The following PTPRJ variants were observed in gnomAD, a reference collection of about 807,000 sequenced individuals.
The protein encoded by PTPRJ is receptor-type tyrosine-protein phosphatase eta.
Under a neutral mutation model 141.3 loss-of-function variants are expected in PTPRJ, and 129 were observed. The observed-to-expected ratio is 0.91, with a 90% CI of 0.79 to 1.06. The LOEUF (loss-of-function observed/expected upper bound fraction) is 1.06, where lower values mean the gene tolerates loss of function less well. PTPRJ is among the 50% of genes least tolerant of loss of function. The pLI is 0.00. For synonymous variants in PTPRJ, 610 were observed against 640.5 expected (o/e 0.95, Z 0.72); for missense variants, 1,601 against 1,679.7 (o/e 0.95, Z 0.82).
At chr11:48,071,509 G>A (rs1025357576) in intron 1 of PTPRJ, among the ~76,000 whole-genome samples, 1 of 151,282 alleles carries the variant, frequency 6.6e-6, no homozygotes, top group Non-Finnish European at 1.5e-5. Flanking sequence ...GTAGAGACGG[G>A]GTTTCACCGT....
chr11:48,047,762 A>G (rs568774001), intron 1 of PTPRJ, among the ~76,000 whole-genome samples: 5 of 152,286 alleles, frequency 3.3e-5, no homozygotes, highest in Non-Finnish European at 5.9e-5. Context: ...TTTAGAAAAC[A>G]TAAGTCTGGA....
At chr11:48,115,433 A>G (rs1321496253) in intron 3 of PTPRJ, among the ~76,000 whole-genome samples, 1 of 152,208 alleles carries the variant, frequency 6.6e-6, no homozygotes, top group Non-Finnish European at 1.5e-5. Context: ...CTGCCAACCA[A>G]GATTGCTATA....
In PTPRJ at chr11:48,099,617, C is replaced by T. The variant is rs556791378; in HGVS notation, c.97-10441C>T. 2.0e-4 allele frequency among the ~76,000 whole-genome samples: 31 copies of T among 152,250 alleles called. No homozygotes were observed. In the South Asian group the frequency reaches 5.4e-3, roughly 26 times the overall value. On this transcript the variant is annotated intron_variant, in intron 1 of 24. Transcript: ENST00000418331. ...TTCTGATTGTGGGTAGGCTCTGGTG[C>T]ACCAGCTCTCCAGTGATCTCCTATC...
intron 10 of PTPRJ, among the ~76,000 whole-genome samples, chr11:48,139,148 T>C (rs578240915): frequency 6.7e-6 from 1 of 149,698 alleles, no homozygotes; most frequent in Non-Finnish European, 1.5e-5. Flanking sequence ...AAAAAGGGGG[T>C]CCTCATGATG....
chr11:48,066,975 A>G (rs1336005001), intron 1 of PTPRJ, among the ~76,000 whole-genome samples: 1 of 152,246 alleles, frequency 6.6e-6, no homozygotes, highest in Non-Finnish European at 1.5e-5. Context: ...TCACGATTAA[A>G]TAATGATTGT....
Position 48,090,287 on chromosome 11 carries a change from T to C in PTPRJ, c.97-19771T>C, listed in dbSNP as rs183609234. Among the ~76,000 whole-genome samples the C allele has an allele frequency of 2.0e-5, 3 of 152,256 alleles. No homozygotes were observed. The East Asian group carries it at 5.8e-4, about 29-fold the overall frequency. ...CTTCCCTTCTTTCTGGTACCCTCTT[T>C]TGTCTCCTCCAAACACTTGCTACTC... On this transcript the variant is annotated intron_variant, in intron 1 of 24. Coordinates refer to ENST00000418331, the MANE Select transcript of PTPRJ (RefSeq NM_002843.4).
At chr11:48,154,779 T>A (rs148451249) in intron 19 of PTPRJ, among the ~76,000 whole-genome samples, 54 of 152,348 alleles carry the variant, frequency 3.5e-4, no homozygotes, top group African/African-American at 1.1e-3. Flanking sequence ...TTGGCCCATG[T>A]TCTGAGGGAA....
At chr11:48,056,304 C>T (rs1248597791) in intron 1 of PTPRJ, among the ~76,000 whole-genome samples, 1 of 152,208 alleles carries the variant, frequency 6.6e-6, no homozygotes, top group Admixed American at 6.5e-5. Context: ...CAGATCCTGA[C>T]TTTGATCCCT....
chr11:48,079,818 TCCC>T (rs1855513372), intron 1 of PTPRJ, among the ~76,000 whole-genome samples: 1 of 152,100 alleles, frequency 6.6e-6, no homozygotes, highest in East Asian at 1.9e-4. Flanking sequence ...GAGGTCAACT[TCCC>T]TACAGTCCCG....
intron 24 of PTPRJ, 147 bp from the exon 25 acceptor site, chr11:48,167,056 CT>C (rs577279429): frequency 2.9e-6 from 2 of 678,486 alleles, no homozygotes; most frequent in Non-Finnish European, 5.1e-6. Flanking sequence ...GTTGTTACCT[CT>C]TGAAACATGT....
chr11:48,003,425 G>A (rs1854549642), intron 1 of PTPRJ, among the ~76,000 whole-genome samples: 1 of 152,030 alleles, frequency 6.6e-6, no homozygotes. Context: ...TAGAACATAT[G>A]AGATTGCCTG....
Position 48,112,863 on chromosome 11 carries a change from CA to C in PTPRJ, c.233del (p.Gln78ArgfsTer19). The C allele has an allele frequency of 6.2e-7, 1 of 1,614,152 alleles. No homozygotes were observed. Among genetic ancestry groups the C allele is most frequent in the East Asian group, 2.2e-5 (1 of 44,880 alleles). ...FHKQNGTGTP[Q>X]VETNTSEDGE... ...TAAACAGAATGGAACTGGAACACCT[CA>C]GGTGGAAACAAACACCAGTGAGGAT... On this transcript the variant is annotated frameshift_variant, in exon 3 of 25. Coordinates refer to ENST00000418331, the MANE Select transcript of PTPRJ (RefSeq NM_002843.4). LOFTEE classifies it high-confidence loss of function.
chr11:48,145,168 T>C, intron 14 of PTPRJ, 44 bp downstream of exon 14: 1 of 1,611,266 alleles, frequency 6.2e-7, no homozygotes, highest in South Asian at 1.1e-5. Flanking sequence ...AGTGGCATTT[T>C]GCTCCACGTG....
chr11:48,149,497 C>T lies in PTPRJ; in HGVS notation c.3041+9C>T, dbSNP rs1857429075. On this transcript the variant is annotated intron_variant, in intron 16 of 24. Coordinates refer to ENST00000418331, the MANE Select transcript of PTPRJ (RefSeq NM_002843.4). The stretch of plus-strand genomic sequence containing the variant: ...TCCTTTTCTCAAATTAAGTAAGTCT[C>T]TCAAATTATGAGCTTTATTTTAAAT... 1 of 1,465,152 alleles carries T rather than the reference C, an allele frequency of 6.8e-7. No homozygotes were observed. The highest frequency in any genetic ancestry group is 9.4e-7 in the Non-Finnish European group (1 of 1,062,506). The allele number at this position is 1,465,152 out of a possible 1,614,324, so 90.8% of individuals were successfully genotyped here.
At chr11:48,089,452 G>C (rs952663300) in intron 1 of PTPRJ, among the ~76,000 whole-genome samples, 6 of 147,660 alleles carry the variant, frequency 4.1e-5, no homozygotes, top group African/African-American at 1.5e-4. Context: ...GGAGGCAGAG[G>C]TTACAGTGAG....
rs779394497 is a variant in PTPRJ at position 48,155,993 on chromosome 11, C to T, written c.3312C>T (p.His1104=). The T allele has an allele frequency of 6.2e-7, 1 of 1,611,196 alleles. No homozygotes were observed. The highest frequency in any genetic ancestry group is 1.1e-5 in the South Asian group (1 of 90,914). The change falls in exon 21 of 25, where the codon CAC becomes CAT. Residue 1104 remains histidine (H), a synonymous_variant. Coordinates refer to ENST00000418331, the MANE Select transcript of PTPRJ (RefSeq NM_002843.4). ...YINANYMPGY[H]SKKDFIATQG... is the part of the protein sequence containing the mutation. ...CTGTTTCCCATTTTTAGGGCTACCA[C>T]TCCAAGAAAGATTTTATTGCCACAC...
In PTPRJ at chr11:48,121,022, C is replaced by T. The variant is rs935108906; in HGVS notation, c.372C>T (p.Asp124=). 2 of 1,601,538 alleles carry T rather than the reference C, an allele frequency of 1.2e-6. No individual in the cohort carries two copies. The highest frequency in any genetic ancestry group is 1.7e-6 in the Non-Finnish European group (2 of 1,173,840). Residue 124 remains aspartate (D), a synonymous_variant, in exon 4 of 25, where the codon GAC becomes GAT. Transcript: ENST00000418331. ...ATATAGGGCCCAGTCCTGTGTTTGA[C>T]ATTAAAGCTGTTTCCATCAGTCCAA... ...PSSTGPSPVF[D]IKAVSISPTN...
At chr11:48,039,466 TGTGTG>T (rs1565270993) in intron 1 of PTPRJ, among the ~76,000 whole-genome samples, 6 of 9,216 alleles carry the variant, frequency 6.5e-4, no homozygotes, top group Admixed American at 2.5e-3. Context: ...AACACTATGG[TGTGTG>T]TGTGTGTGTG....
At chr11:48,015,907 A>G (rs971471618) in intron 1 of PTPRJ, 2 of 152,120 alleles carry the variant, frequency 1.3e-5, no homozygotes, top group Non-Finnish European at 2.9e-5. Flanking sequence ...TGACTTGCAT[A>G]AGATCCCCCA....
Sources: allele counts gnomAD v4.1 joint callset (sites outside exome capture counted in the v4.1 genomes callset), GRCh38; gene constraint gnomAD v4.1.1; transcripts MANE v1.5; gene names NCBI Gene and HGNC (gene_info 2026-07-23, HGNC 2026-07-21).